The following ULBP1 variants were observed in gnomAD, a reference collection of about 807,000 sequenced individuals.
ULBP1 encodes the protein UL16-binding protein 1.
Under a neutral mutation model 25.3 loss-of-function variants are expected in ULBP1, and 28 were observed. The observed-to-expected ratio is 1.10, with a 90% CI of 0.82 to 1.51. The LOEUF (loss-of-function observed/expected upper bound fraction) is 1.51, where lower values mean the gene tolerates loss of function less well. ULBP1 is among the 40% of genes most tolerant of loss of function. The probability of loss-of-function intolerance (pLI) is 0.00; values close to 1 mark genes in which losing one functional copy is unlikely to be tolerated. For missense variants in ULBP1, 348 were observed against 290.9 expected, an observed-to-expected ratio of 1.20 and a Z score of -1.43; for synonymous variants, 129 against 103.0, an observed-to-expected ratio of 1.25 and a Z score of -1.53.
chr6:149,964,967 A>C (rs1779175648), intron 1 of ULBP1, among the ~76,000 whole-genome samples: 1 of 142,756 alleles, frequency 7.0e-6, no homozygotes, highest in South Asian at 2.2e-4. Flanking sequence ...ATCTCGCCGA[A>C]CATGCCCGGC....
At position 149,969,305 on chromosome 6, in the gene ULBP1, T is replaced by C; in HGVS notation, c.570T>C (p.Cys190=). 6.2e-7 allele frequency: 1 copy of C among 1,614,238 alleles called. No homozygotes were observed. The highest frequency in any genetic ancestry group is 8.5e-7 in the Non-Finnish European group (1 of 1,180,030). ...MFFQKISLGD[C]KMWLEEFLMY... is the part of the protein sequence containing the mutation. The stretch of plus-strand genomic sequence containing the variant: ...TCCAGAAGATTTCACTGGGGGATTG[T>C]AAGATGTGGCTTGAAGAATTTTTGA... Residue 190 remains cysteine, a synonymous_variant, in exon 3 of 5, where the codon TGT becomes TGC. Coordinates refer to ENST00000229708, the MANE Select transcript of ULBP1 (RefSeq NM_025218.4).
In ULBP1 at chr6:149,969,243, G is replaced by C. The variant is rs758759536; in HGVS notation, c.508G>C (p.Glu170Gln). The C allele has an allele frequency of 8.1e-6, 13 of 1,614,242 alleles. No individual in the cohort carries two copies. Among genetic ancestry groups the C allele is most frequent in the Admixed American group, 5.0e-5 (3 of 60,030 alleles). The change falls in exon 3 of 5, where the codon GAG becomes CAG. Residue 170 changes from glutamate to glutamine, a missense_variant. Transcript: ENST00000229708. ...ALHPGAKKMT[E>Q]KWEKNRDVTM... ...TCATCCTGGAGCCAAGAAGATGACA[G>C]AGAAGTGGGAGAAGAACAGGGATGT...
chr6:149,967,033 G>A lies in ULBP1; in HGVS notation c.86-1574G>A, dbSNP rs527714259. On this transcript the variant is annotated intron_variant, in intron 1 of 4. Coordinates refer to ENST00000229708, the MANE Select transcript of ULBP1 (RefSeq NM_025218.4). Reference sequence around the variant, plus strand: ...ATCCCAGCTACAAGAGCAGAGTTAAGTAGTGACAGGGGAGGTCATATGACC... The same window carrying A: ...ATCCCAGCTACAAGAGCAGAGTTAAATAGTGACAGGGGAGGTCATATGACC... 1.1e-4 allele frequency among the ~76,000 whole-genome samples: 17 copies of A among 152,304 alleles called. No individual in the cohort carries two copies. The East Asian group carries it at 3.3e-3, about 29-fold the overall frequency.
At chr6:149,965,931 C>G (rs912416729) in intron 1 of ULBP1, among the ~76,000 whole-genome samples, 20 of 152,108 alleles carry the variant, frequency 1.3e-4, no homozygotes, top group Admixed American at 1.2e-3. Context: ...AGGACACACC[C>G]CAGCAAACAC....
At chr6:149,965,326 G>C (rs76426188) in intron 1 of ULBP1, among the ~76,000 whole-genome samples, 3,802 of 137,128 alleles carry the variant, frequency 0.028, 168 homozygotes, top group African/African-American at 0.1. Context: ...CTCCCCGAAC[G>C]TGCCTGGCTG....
intron 3 of ULBP1, 133 bp downstream of exon 3, chr6:149,969,493 G>A: frequency 7.8e-7 from 1 of 1,283,210 alleles, no homozygotes. Flanking sequence ...TCCTCCTGGG[G>A]GTCCTGGCAT....
At chr6:149,969,442 T>C (rs1779269845) in intron 3 of ULBP1, 82 bp downstream of exon 3, 1 of 1,551,946 alleles carries the variant, frequency 6.4e-7, no homozygotes, top group East Asian at 2.3e-5. Context: ...CGTGTGTGTG[T>C]GTGTTTGAGT....
At chr6:149,965,507 A>G (rs1182905576) in intron 1 of ULBP1, among the ~76,000 whole-genome samples, 6 of 152,134 alleles carry the variant, frequency 3.9e-5, no homozygotes, top group African/African-American at 1.4e-4. Flanking sequence ...CCTGGTGCAG[A>G]CCCGCAGCCC....
rs574594732 is a variant in ULBP1, at chr6:149,963,973, C to A, written c.-77C>A. 3 of 1,492,488 alleles carry A rather than the reference C, an allele frequency of 2.0e-6. No individual in the cohort carries two copies. Among genetic ancestry groups the A allele is most frequent in the African/African-American group, 1.4e-5 (1 of 71,890 alleles). 92.5% of individuals were successfully genotyped at this position (1,492,488 alleles called of 1,614,324 possible). A position where few individuals can be genotyped will look rare whatever the true frequency, so the allele number is the denominator to read the frequency against. On this transcript the variant is annotated 5_prime_UTR_variant, in exon 1 of 5. Coordinates refer to ENST00000229708, the MANE Select transcript of ULBP1 (RefSeq NM_025218.4). ...CCTGCGCGCGGCGGGCCGGGCTGGG[C>A]AGCTTTATAAACAGCCGTGGTGTGA... is the stretch of plus-strand genomic sequence containing the variant.
intron 1 of ULBP1, among the ~76,000 whole-genome samples, chr6:149,966,513 TC>T (rs772861631): frequency 2.6e-5 from 4 of 152,142 alleles, no homozygotes; most frequent in Non-Finnish European, 5.9e-5. Flanking sequence ...TCAGGGACCC[TC>T]CTTAAAGCCT....
chr6:149,964,573 A>T (rs116029665), intron 1 of ULBP1, among the ~76,000 whole-genome samples: 1 of 150,676 alleles, frequency 6.6e-6, no homozygotes, highest in African/African-American at 2.5e-5. Context: ...ATCTCCCCGA[A>T]CATCGCGGTC....
At position 149,969,321 on chromosome 6, in the gene ULBP1, G is replaced by T; in HGVS notation, c.586G>T (p.Glu196Ter). Residue 196 changes from glutamate to a stop codon, truncating the protein, a stop_gained, in exon 3 of 5, where the codon GAA (glutamate) becomes TAA (stop). Coordinates refer to ENST00000229708, the MANE Select transcript of ULBP1 (RefSeq NM_025218.4). LOFTEE classifies it high-confidence loss of function. ...SLGDCKMWLE[E>*]FLMYWEQMLD... ...GGGGGATTGTAAGATGTGGCTTGAA[G>T]AATTTTTGATGTACTGGGAACAAAT... is the stretch of plus-strand genomic sequence containing the variant. 1 of 1,614,094 alleles carries T rather than the reference G, an allele frequency of 6.2e-7. No individual in the cohort carries two copies.
intron 1 of ULBP1, among the ~76,000 whole-genome samples, chr6:149,964,796 C>G: frequency 1.4e-5 from 2 of 142,220 alleles, no homozygotes; most frequent in African/African-American, 2.8e-5. Context: ...ACATCGCGAT[C>G]CCTCCGAACA....
intron 1 of ULBP1, 117 bp downstream of exon 1, chr6:149,964,251 AACAT>A: frequency 8.9e-7 from 1 of 1,126,656 alleles, no homozygotes; most frequent in African/African-American, 1.7e-5. Flanking sequence ...TCCCTGAACG[AACAT>A]CGCGGTCTCC....
At position 149,970,184 on chromosome 6, in the gene ULBP1, G is replaced by A. The variant is rs143769170; in HGVS notation, c.*22+37G>A. 101 of 1,539,494 alleles carry A rather than the reference G, an allele frequency of 6.6e-5. 1 individual carries two copies. The East Asian group carries it at 2.2e-3, about 34-fold the overall frequency. On this transcript the variant is annotated intron_variant, in intron 4 of 4. Transcript: ENST00000229708. ...AATATTGGGAGGGGAGCAAGAGGCA[G>A]ATGGGTGAGATGGGAGGATGTGGAA...
chr6:149,966,326 C>G (rs1236840675), intron 1 of ULBP1, among the ~76,000 whole-genome samples: 5 of 151,958 alleles, frequency 3.3e-5, no homozygotes, highest in African/African-American at 1.2e-4. Flanking sequence ...AATTGCTGCC[C>G]CATCCCCTAG....
intron 4 of ULBP1, among the ~76,000 whole-genome samples, chr6:149,970,836 G>T (rs896225054): frequency 1.6e-4 from 24 of 152,264 alleles, no homozygotes; most frequent in Admixed American, 6.5e-5. Flanking sequence ...GCCTGGAGCA[G>T]AGTGGACTCA....
Position 149,969,145 on chromosome 6 carries a change from G to A in ULBP1, c.410G>A (p.Gly137Glu), listed in dbSNP as rs1452023289. 5.6e-6 allele frequency: 9 copies of A among 1,614,118 alleles called. No individual in the cohort carries two copies. The highest frequency in any genetic ancestry group is 6.8e-6 in the Non-Finnish European group (8 of 1,180,054). Residue 137 changes from glycine (G) to glutamate (E), a missense_variant, in exon 3 of 5, where the codon GGA (glycine) becomes GAA (glutamate). Transcript: ENST00000229708. ...CEHEAHGHGRGSWQFLFNGQK... is the reference protein window; with the variant it reads ...CEHEAHGHGRESWQFLFNGQK... Reference sequence around the variant, plus strand: ...CATGAAGCCCATGGACACGGCAGAGGATCTTGGCAGTTCCTCTTCAATGGA... The same window carrying A: ...CATGAAGCCCATGGACACGGCAGAGAATCTTGGCAGTTCCTCTTCAATGGA...
At chr6:149,965,065 G>A (rs1410517987) in intron 1 of ULBP1, among the ~76,000 whole-genome samples, 1 of 143,270 alleles carries the variant, frequency 7.0e-6, no homozygotes, top group African/African-American at 2.6e-5. Flanking sequence ...GGAGGCTTCT[G>A]GGTGGACCAG....
Sources: gnomAD v4.1 joint callset for allele counts (sites outside exome capture counted in the v4.1 genomes callset) on GRCh38, gnomAD v4.1.1 for gene constraint, MANE v1.5 for transcripts, NCBI Gene and HGNC (gene_info 2026-07-23, HGNC 2026-07-21) for gene names.